The following SLC43A2 variants were observed in gnomAD, a reference collection of about 807,000 sequenced individuals.
SLC43A2 encodes the protein large neutral amino acids transporter small subunit 4.
A neutral mutation model predicts 63.2 loss-of-function variants in SLC43A2; 38 were observed. The ratio of observed to expected loss-of-function variants is 0.60; its 90% CI spans 0.46 to 0.79. The LOEUF (loss-of-function observed/expected upper bound fraction) is 0.79. Ranked by LOEUF, SLC43A2 falls within the 30% of genes least tolerant of loss-of-function variation. The pLI is 0.00. For missense variants in SLC43A2, 644 were observed against 756.2 expected, an observed-to-expected ratio of 0.85 and a Z score of 1.74; for synonymous variants, 322 against 331.0, an observed-to-expected ratio of 0.97 and a Z score of 0.30.
chr17:1,628,095 G>C, intron 1 of SLC43A2, 175 bp from the exon 2 acceptor site: 1 of 557,110 alleles, frequency 1.8e-6, no homozygotes, highest in Non-Finnish European at 2.6e-6. Context: ...GACACCCCGA[G>C]CCCGCGGCCG....
chr17:1,576,242 C>T (rs2075928270), intron 13 of SLC43A2, among the ~76,000 whole-genome samples: 1 of 152,034 alleles, frequency 6.6e-6, no homozygotes, highest in Non-Finnish European at 1.5e-5. Flanking sequence ...TGCCACCACA[C>T]CTGGCTAATT....
At chr17:1,610,842 TC>T (rs1409537508) in intron 5 of SLC43A2, among the ~76,000 whole-genome samples, 1 of 151,210 alleles carries the variant, frequency 6.6e-6, no homozygotes, top group Non-Finnish European at 1.5e-5. Context: ...TTTCTTTTTT[TC>T]CTTTTTTTTT....
intron 2 of SLC43A2, 115 bp from the exon 3 acceptor site, chr17:1,616,884 C>G: frequency 7.9e-7 from 1 of 1,257,940 alleles, no homozygotes; most frequent in Non-Finnish European, 1.1e-6. Flanking sequence ...GGCTGGCTGG[C>G]GGCCTCTCGA....
At chr17:1,580,292 G>A (rs7214236) in intron 11 of SLC43A2, among the ~76,000 whole-genome samples, 63,179 of 152,116 alleles carry the variant, frequency 0.42, 13,649 homozygotes, top group African/African-American at 0.48. Context: ...GGCAACACAT[G>A]GGCAGCTGGA....
chr17:1,625,590 C>T (rs75852613), intron 2 of SLC43A2, among the ~76,000 whole-genome samples: 1,966 of 152,258 alleles, frequency 0.013, 47 homozygotes, highest in African/African-American at 0.045. Flanking sequence ...CCAGACGAGC[C>T]AAATGCGGGG....
At chr17:1,600,056 AT>A (rs1186634109) in intron 5 of SLC43A2, among the ~76,000 whole-genome samples, 69 of 145,322 alleles carry the variant, frequency 4.7e-4, no homozygotes, top group Middle Eastern at 7.1e-3. Context: ...AAAAAAAAAA[AT>A]CATTTATATT....
rs1216352242 is a variant in SLC43A2 at position 1,606,787 on chromosome 17, G to GCCCT, written c.501+6404_501+6407dup. The stretch of plus-strand genomic sequence containing the variant: ...GCCCCCATGGAGTGACCTGGCGTCC[G>GCCCT]CCCTCCACGGATGGCACGCGATGGC... On this transcript the variant is annotated intron_variant, in intron 5 of 13. Transcript: ENST00000301335. This position sits in a 1 kb window ranked among gnomAD's most constrained non-coding sequence, Gnocchi z 4.7. 1.3e-5 allele frequency among the ~76,000 whole-genome samples: 2 copies of GCCCT among 152,246 alleles called. No individual in the cohort carries two copies. The highest frequency in any genetic ancestry group is 2.9e-5 in the Non-Finnish European group (2 of 68,030).
Position 1,623,225 on chromosome 17 carries a change from G to A in SLC43A2, c.160+4490C>T, listed in dbSNP as rs1194557607. 3.9e-5 allele frequency among the ~76,000 whole-genome samples: 6 copies of A among 152,354 alleles called. No homozygotes were observed. In the South Asian group the frequency reaches 1.2e-3, roughly 32 times the overall value. ...CTGGGCCTGCTTCCCCAAGGTGGGCGGCAGCCCCTCTGCCCTTGCAGCGAT... is the reference window on the plus strand; with the variant it reads ...CTGGGCCTGCTTCCCCAAGGTGGGCAGCAGCCCCTCTGCCCTTGCAGCGAT... On this transcript the variant is annotated intron_variant, in intron 2 of 13. Coordinates refer to ENST00000301335, the MANE Select transcript of SLC43A2 (RefSeq NM_152346.3).
intron 2 of SLC43A2, among the ~76,000 whole-genome samples, chr17:1,623,663 C>CCT (rs1567651156): frequency 8.0e-6 from 1 of 125,724 alleles, no homozygotes; most frequent in African/African-American, 3.1e-5. Flanking sequence ...TCCTCCAGGG[C>CCT]GTACCCTCCT....
chr17:1,620,298 G>A (rs1908036884), intron 2 of SLC43A2, among the ~76,000 whole-genome samples: 1 of 152,148 alleles, frequency 6.6e-6, no homozygotes, highest in South Asian at 2.1e-4. Flanking sequence ...AACCCAGGAG[G>A]CAGAGGTTGC....
At chr17:1,615,092 GTTTTGT>G in intron 3 of SLC43A2, 58 bp from the exon 4 acceptor site, 1 of 1,598,012 alleles carries the variant, frequency 6.3e-7, no homozygotes, top group East Asian at 2.3e-5. Context: ...CAGTGTTATT[GTTTTGT>G]TTTTGTTTTT....
In SLC43A2 at chr17:1,578,236, C is replaced by T. The variant is rs2151028065; in HGVS notation, c.1424+14G>A. 2 of 1,611,302 alleles carry T rather than the reference C, an allele frequency of 1.2e-6. No homozygotes were observed. The highest frequency in any genetic ancestry group is 4.5e-5 in the East Asian group (2 of 44,800). ...CCCTCGCCCACCAGGCCACCTGCGG[C>T]TTCCAGGACTTACACGGCAGCGTAC... On this transcript the variant is annotated intron_variant, in intron 12 of 13. Transcript: ENST00000301335. The surrounding 1 kb of genome is among the most constrained non-coding windows in gnomAD (Gnocchi z 6.5).
chr17:1,575,026 C>T lies in SLC43A2; in HGVS notation c.*578G>A, dbSNP rs73300836. The T allele has an allele frequency of 0.018, 2,891 of 159,432 alleles. 58 individuals carry two copies. The highest frequency in any genetic ancestry group is 0.052 in the African/African-American group (2,173 of 41,604). The allele number at this position is 159,432 out of a possible 1,614,324, so 9.9% of individuals were successfully genotyped here. A position where few individuals can be genotyped will look rare whatever the true frequency, so the allele number is the denominator to read the frequency against. On this transcript the variant is annotated 3_prime_UTR_variant, in exon 14 of 14. Coordinates refer to ENST00000301335, the MANE Select transcript of SLC43A2 (RefSeq NM_152346.3). ...CATAAGCCAGGTGGGGCTTCTCCAC[C>T]GGCCTCCAACGGGTGGGCAGGCCCT...
chr17:1,614,028 G>A (rs1413412929), intron 4 of SLC43A2, among the ~76,000 whole-genome samples: 2 of 152,144 alleles, frequency 1.3e-5, no homozygotes, highest in Admixed American at 6.6e-5. Context: ...TGGATCACGA[G>A]GTCAGGAGAT....
intron 5 of SLC43A2, among the ~76,000 whole-genome samples, chr17:1,607,600 TGTGGGTGTGAATG>T (rs1906733915): frequency 6.6e-6 from 1 of 151,674 alleles, no homozygotes; most frequent in South Asian, 2.1e-4. Flanking sequence ...AACCAGAGGG[TGTGGGTGTGAATG>T]GTGGGTGTCA....
At chr17:1,623,669 C>T (rs1397406007) in intron 2 of SLC43A2, among the ~76,000 whole-genome samples, 1 of 150,484 alleles carries the variant, frequency 6.6e-6, no homozygotes, top group Admixed American at 6.6e-5. Context: ...AGGGCGTACC[C>T]TCCTCTCCTC....
chr17:1,586,928 T>TGGGCCCCCCCCCCCCCCGCCCC, intron 9 of SLC43A2: 1 of 1,232,916 alleles, frequency 8.1e-7, no homozygotes, highest in Non-Finnish European at 1.1e-6. Context: ...TCCCTGACAA[T>TGGGCCCCCCCCCCCCCCGCCCC]CCCCCCCACC....
At chr17:1,609,321 C>G (rs1471318724) in intron 5 of SLC43A2, among the ~76,000 whole-genome samples, 1 of 152,054 alleles carries the variant, frequency 6.6e-6, no homozygotes, top group African/African-American at 2.4e-5. Flanking sequence ...CCTGCCTCAG[C>G]CTCCCAAGTA....
At chr17:1,602,758 G>GTTTT (rs555244484) in intron 5 of SLC43A2, among the ~76,000 whole-genome samples, 5 of 135,066 alleles carry the variant, frequency 3.7e-5, no homozygotes, top group African/African-American at 5.4e-5. Flanking sequence ...TGTTTTTTCA[G>GTTTT]TTTTTTTTTT....
Sources: gnomAD v4.1 joint callset for allele counts (sites outside exome capture counted in the v4.1 genomes callset) on GRCh38, gnomAD v4.1.1 for gene constraint, Gnocchi (gnomAD v3.1) non-coding constraint, MANE v1.5 for transcripts, NCBI Gene and HGNC (gene_info 2026-07-23, HGNC 2026-07-21) for gene names.